Variants in PCDH15 observed in about 807,000 individuals in gnomAD.
The protein encoded by PCDH15 is protocadherin-15.
In PCDH15, 129 loss-of-function variants were observed where a neutral mutation model predicts 178.5. That is an observed-to-expected ratio of 0.72 (90% CI 0.63 to 0.84). The LOEUF (loss-of-function observed/expected upper bound fraction) is 0.84. PCDH15 is among the 40% of genes least tolerant of loss of function. PCDH15 has a pLI of 0.00. For missense variants in PCDH15, 2,230 were observed against 2,099.9 expected (o/e 1.06, Z -1.21); for synonymous variants, 800 against 732.0 (o/e 1.09, Z -1.50).
chr10:54,272,009 CAT>C (rs954401404), intron 8 of PCDH15, among the ~76,000 whole-genome samples: 6 of 143,494 alleles, frequency 4.2e-5, no homozygotes, highest in East Asian at 2.0e-4. Context: ...ATATATATAT[CAT>C]ATATATATAT....
chr10:53,893,978 G>A (rs2081768770), intron 26 of PCDH15, among the ~76,000 whole-genome samples: 1 of 152,128 alleles, frequency 6.6e-6, no homozygotes, highest in Non-Finnish European at 1.5e-5. Context: ...AGGGGTACAA[G>A]TGCAGGTTTG....
intron 21 of PCDH15, among the ~76,000 whole-genome samples, chr10:53,993,367 T>G (rs1186133212): frequency 6.6e-6 from 1 of 152,168 alleles, no homozygotes; most frequent in African/African-American, 2.4e-5. Flanking sequence ...AGGCTTAGAG[T>G]TAGACATGAG....
At chr10:54,503,019 T>C (rs1464150441) in intron 3 of PCDH15, among the ~76,000 whole-genome samples, 2 of 151,874 alleles carry the variant, frequency 1.3e-5, no homozygotes, top group Non-Finnish European at 1.5e-5. Flanking sequence ...CTAATACATA[T>C]ATGTAAAATA....
At chr10:55,555,418 C>T (rs992128922) in intron 2 of PCDH15, among the ~76,000 whole-genome samples, 3 of 152,080 alleles carry the variant, frequency 2.0e-5, no homozygotes, top group African/African-American at 7.2e-5. Context: ...CAAAGTTCTT[C>T]TGCTTCTCCA....
intron 1 of PCDH15, among the ~76,000 whole-genome samples, chr10:55,266,652 T>C (rs967300445): frequency 3.9e-5 from 6 of 151,978 alleles, no homozygotes; most frequent in Admixed American, 3.9e-4. Flanking sequence ...GAGGAACACA[T>C]CAGAGGAAGA....
intron 2 of PCDH15, among the ~76,000 whole-genome samples, chr10:55,130,417 C>A (rs117980569): frequency 0.026 from 3,990 of 152,218 alleles, 78 homozygotes; most frequent in Non-Finnish European, 0.039. Context: ...GTGGCTGGAT[C>A]TGAATGAGAC....
chr10:54,152,387 A>G (rs560223009), intron 14 of PCDH15, among the ~76,000 whole-genome samples: 4 of 152,066 alleles, frequency 2.6e-5, no homozygotes, highest in East Asian at 1.9e-4. Context: ...CTTATTAAGG[A>G]ATATGTTTAT....
chr10:55,029,251 T>C (rs568861357), intron 2 of PCDH15, among the ~76,000 whole-genome samples: 5 of 152,018 alleles, frequency 3.3e-5, no homozygotes, highest in East Asian at 1.9e-4. Context: ...GGTTGTTCCC[T>C]TTACATATCC....
intron 1 of PCDH15, among the ~76,000 whole-genome samples, chr10:54,797,835 AGC>A (rs1952202711): frequency 6.6e-6 from 1 of 151,880 alleles, no homozygotes; most frequent in Non-Finnish European, 1.5e-5. Flanking sequence ...CATCTTACTC[AGC>A]GTGACTGACT....
intron 2 of PCDH15, among the ~76,000 whole-genome samples, chr10:54,957,042 A>G (rs1019254174): frequency 6.6e-6 from 1 of 151,646 alleles, no homozygotes; most frequent in African/African-American, 2.4e-5. Context: ...CTGAGTTATA[A>G]GACTGCTATT....
chr10:54,493,799 C>A (rs147953073), intron 3 of PCDH15, among the ~76,000 whole-genome samples: 24 of 151,880 alleles, frequency 1.6e-4, no homozygotes, highest in African/African-American at 5.8e-4. Context: ...ATTTTTATTG[C>A]GGCACTATTC....
chr10:55,177,602 C>A (rs1206934779), intron 1 of PCDH15, among the ~76,000 whole-genome samples: 1 of 152,102 alleles, frequency 6.6e-6, no homozygotes, highest in East Asian at 1.9e-4. Context: ...CTGTTTATAC[C>A]CTACATAATG....
At chr10:53,871,722 C>CTTGTTTTGTTTTGTTTTGTT (rs201361066) in intron 26 of PCDH15, among the ~76,000 whole-genome samples, 4 of 149,588 alleles carry the variant, frequency 2.7e-5, no homozygotes, top group South Asian at 4.2e-4. Flanking sequence ...GCTTCCAGTT[C>CTTGTTTTGTTTTGTTTTGTT]TTGTTTTGTT....
Position 53,905,980 on chromosome 10 carries a change from G to T in PCDH15, c.3374-2610C>A, listed in dbSNP as rs991153634. On this transcript the variant is annotated intron_variant, in intron 25 of 37. Coordinates refer to ENST00000644397, the MANE Select transcript of PCDH15 (RefSeq NM_001384140.1). ...TCAAGAACATTGTTTAGACTTAAAA[G>T]AACTTATACATTTATTTATTTTAAA... Among the ~76,000 whole-genome samples, 50 of 151,958 alleles carry T rather than the reference G, an allele frequency of 3.3e-4. 1 individual carries two copies. The highest frequency in any genetic ancestry group is 3.1e-3 in the Admixed American group (47 of 15,240).
chr10:54,883,436 T>C (rs1339566917), intron 3 of PCDH15, among the ~76,000 whole-genome samples: 2 of 152,034 alleles, frequency 1.3e-5, no homozygotes, highest in East Asian at 3.9e-4. Flanking sequence ...ATACCCTACG[T>C]ATCCTAAAAT....
intron 1 of PCDH15, among the ~76,000 whole-genome samples, chr10:54,719,146 A>T (rs2095515564): frequency 3.6e-5 from 1 of 28,012 alleles, no homozygotes; most frequent in South Asian, 7.8e-4. Flanking sequence ...TCAGAATATT[A>T]AAAAAGGGTA....
intron 2 of PCDH15, among the ~76,000 whole-genome samples, chr10:55,007,406 T>C (rs909614893): frequency 8.5e-5 from 12 of 141,898 alleles, no homozygotes; most frequent in African/African-American, 2.4e-4. Context: ...TTCTCTTAAA[T>C]AGCATATTTA....
At position 55,188,448 on chromosome 10, in the gene PCDH15, G is replaced by A. The variant is rs368854706; in HGVS notation, c.-155-21797C>T. Among the ~76,000 whole-genome samples the A allele has an allele frequency of 6.8e-4, 103 of 151,738 alleles. 1 individual carries two copies. In the South Asian group the frequency reaches 0.02, roughly 29 times the overall value. ...AATTTCAAAATAACAGCTTAGGAGT[G>A]GCAGATGTATTTTGTTAAAGACAGA... On this transcript the variant is annotated intron_variant, in intron 1 of 5. Transcript: ENST00000458638.
chr10:55,334,684 A>C (rs1844331459), intron 2 of PCDH15, among the ~76,000 whole-genome samples: 1 of 152,046 alleles, frequency 6.6e-6, no homozygotes, highest in African/African-American at 2.4e-5. Flanking sequence ...AATGATTCTT[A>C]AACTGAGACT....
Sources: allele counts gnomAD v4.1 joint callset (sites outside exome capture counted in the v4.1 genomes callset), GRCh38; gene constraint gnomAD v4.1.1; transcripts MANE v1.5; gene names NCBI Gene and HGNC (gene_info 2026-07-23, HGNC 2026-07-21).